Variants in SEC61A1 observed in about 807,000 individuals in gnomAD.
SEC61A1 encodes the protein protein transport protein Sec61 subunit alpha isoform 1.
A neutral mutation model predicts 55.2 loss-of-function variants in SEC61A1; 15 were observed. The observed-to-expected ratio is 0.27, with a 90% confidence interval of 0.18 to 0.42. The LOEUF (loss-of-function observed/expected upper bound fraction) is 0.42. SEC61A1 is among the 10% of genes least tolerant of loss of function. SEC61A1 has a pLI of 1.00. For missense variants in SEC61A1, 284 were observed against 602.6 expected (o/e 0.47, Z 5.53); for synonymous variants, 247 against 234.0 (o/e 1.06, Z -0.51).
At chr3:128,066,291 C>T (rs189640056) in intron 8 of SEC61A1, among the ~76,000 whole-genome samples, 1 of 152,202 alleles carries the variant, frequency 6.6e-6, no homozygotes, top group Admixed American at 6.5e-5. Context: ...TAGAGAGAAG[C>T]GCCCTTGGGA....
intron 7 of SEC61A1, chr3:128,064,660 C>A (rs926219240): frequency 1.8e-6 from 1 of 541,622 alleles, no homozygotes; most frequent in Non-Finnish European, 3.2e-6. Flanking sequence ...TAAAAAAAAT[C>A]AAAAACAAAC....
intron 7 of SEC61A1, among the ~76,000 whole-genome samples, chr3:128,064,458 TAGTG>T (rs1461986766): frequency 7.0e-6 from 1 of 143,504 alleles, no homozygotes; most frequent in East Asian, 1.9e-4. Context: ...CTGGGTAACA[TAGTG>T]AGACCCCCAA....
rs1941837398 is a variant in SEC61A1 at position 128,060,642 on chromosome 3, T to C, written c.597T>C (p.Thr199=). 1.9e-6 allele frequency: 3 copies of C among 1,614,182 alleles called. No individual in the cohort carries two copies. The highest frequency in any genetic ancestry group is 2.5e-6 in the Non-Finnish European group (3 of 1,180,036). ...ETIVWKAFSP[T]TVNTGRGMEF... Reference sequence around the variant, plus strand: ...TCGTATGGAAGGCATTCAGCCCCACTACTGTCAACACTGGCCGAGGTAAGG... The same window carrying C: ...TCGTATGGAAGGCATTCAGCCCCACCACTGTCAACACTGGCCGAGGTAAGG... Residue 199 remains threonine, a synonymous_variant, in exon 7 of 12, where the codon ACT becomes ACC. Coordinates refer to ENST00000243253, the MANE Select transcript of SEC61A1 (RefSeq NM_013336.4).
chr3:128,064,761 CCAT>C, intron 7 of SEC61A1, 113 bp from the exon 8 acceptor site: 4 of 811,918 alleles, frequency 4.9e-6, no homozygotes, highest in Non-Finnish European at 7.8e-6. Flanking sequence ...GCTATGGGCA[CCAT>C]GAGTCTAATA....
At chr3:128,068,329 G>GT (rs1401792931) in intron 11 of SEC61A1, among the ~76,000 whole-genome samples, 2 of 152,258 alleles carry the variant, frequency 1.3e-5, no homozygotes. Context: ...AGACAGTGCA[G>GT]TAAGGGTCCT....
chr3:128,052,465 A>G lies in SEC61A1; in HGVS notation c.-88A>G, dbSNP rs1941699829. 2.6e-6 allele frequency: 4 copies of G among 1,528,906 alleles called. No individual in the cohort carries two copies. Among genetic ancestry groups the G allele is most frequent in the African/African-American group, 2.8e-5 (2 of 71,730 alleles). The allele number at this position is 1,528,906 out of a possible 1,614,324, so 94.7% of individuals were successfully genotyped here. On this transcript the variant is annotated 5_prime_UTR_variant, in exon 1 of 12. Coordinates refer to ENST00000243253, the MANE Select transcript of SEC61A1 (RefSeq NM_013336.4). ...GTGTCTCTCGGCGGAGCTGCTGTGC[A>G]GTGGAACGCGCTGGGCCGCGGGCAG...
At chr3:128,063,659 T>C (rs1941886153) in intron 7 of SEC61A1, among the ~76,000 whole-genome samples, 1 of 152,158 alleles carries the variant, frequency 6.6e-6, no homozygotes, top group African/African-American at 2.4e-5. Context: ...TTAAAAGTGC[T>C]CCTCAGAGTA....
intron 5 of SEC61A1, among the ~76,000 whole-genome samples, chr3:128,057,871 G>A (rs1269108027): frequency 1.3e-5 from 2 of 151,088 alleles, no homozygotes; most frequent in Non-Finnish European, 1.5e-5. Context: ...AAAAAAAAAA[G>A]AATTTAACTG....
chr3:128,057,938 G>A (rs1351790641), intron 5 of SEC61A1, among the ~76,000 whole-genome samples: 1 of 152,078 alleles, frequency 6.6e-6, no homozygotes, highest in East Asian at 1.9e-4. Context: ...GTGATCTGGG[G>A]AAAAGTTAGA....
intron 8 of SEC61A1, 154 bp downstream of exon 8, chr3:128,065,191 T>A: frequency 1.2e-6 from 1 of 851,564 alleles, no homozygotes; most frequent in Non-Finnish European, 2.0e-6. Flanking sequence ...CCAGATGAGC[T>A]GGACAAGCAT....
rs1233048203 is a variant in SEC61A1, at chr3:128,056,937, AT to A, written c.352+114del. The stretch of plus-strand genomic sequence containing the variant: ...GTTTTTCTTTTTTTATTTATTTTTT[AT>A]TTTTTTTTTTTTTTTTGAGATGGAG... On this transcript the variant is annotated intron_variant, in intron 5 of 11. Transcript: ENST00000243253. The A allele has an allele frequency of 0.012, 10,367 of 845,484 alleles. 24 individuals are homozygous for A. The highest frequency in any genetic ancestry group is 0.021 in the African/African-American group (1,216 of 56,618). The allele number at this position is 845,484 out of a possible 1,614,324, so 52.4% of individuals were successfully genotyped here.
upstream of SEC61A1, chr3:128,051,833 C>A: frequency 1.3e-6 from 2 of 1,535,702 alleles, no homozygotes; most frequent in South Asian, 1.2e-5. Context: ...TCATCCCATT[C>A]GTTCTCAGAT....
At position 128,069,789 on chromosome 3, in the gene SEC61A1, T is replaced by G; in HGVS notation, c.*127T>G. The G allele has an allele frequency of 2.3e-6, 2 of 865,396 alleles. No individual in the cohort carries two copies. 53.6% of individuals were successfully genotyped at this position (865,396 alleles called of 1,614,324 possible). A position where few individuals can be genotyped will look rare whatever the true frequency, so the allele number is the denominator to read the frequency against. ...GTTTTTGAATTTCGTATTCTTTCAT[T>G]CCACTGTGTAAAGTGCTAGACATTT... On this transcript the variant is annotated 3_prime_UTR_variant, in exon 12 of 12. Coordinates refer to ENST00000243253, the MANE Select transcript of SEC61A1 (RefSeq NM_013336.4).
At chr3:128,057,594 C>T (rs1000384694) in intron 5 of SEC61A1, among the ~76,000 whole-genome samples, 50 of 268 alleles carry the variant, frequency 0.19, no homozygotes, top group Non-Finnish European at 0.25. Flanking sequence ...CGGTGGCTCA[C>T]GCCTGTAACC....
intron 11 of SEC61A1, 139 bp from the exon 12 acceptor site, chr3:128,069,337 T>C (rs1942083294): frequency 5.1e-6 from 4 of 788,834 alleles, no homozygotes; most frequent in South Asian, 1.7e-5. Flanking sequence ...AGCGCTAGCA[T>C]GTTAGTAGAT....
rs1941713589 is a variant in SEC61A1, at chr3:128,053,033, G to GTGC, written c.75+133_75+135dup. On this transcript the variant is annotated intron_variant, in intron 2 of 11. Coordinates refer to ENST00000243253, the MANE Select transcript of SEC61A1 (RefSeq NM_013336.4). The stretch of plus-strand genomic sequence containing the variant: ...CCTTCTCTTCCCTTGGAGTGTAGTT[G>GTGC]TGCTCTGTTATTCCGGAGAGCTGTC... 34 of 657,610 alleles carry GTGC rather than the reference G, an allele frequency of 5.2e-5. No individual in the cohort carries two copies. The South Asian group carries it at 6.7e-4, about 13-fold the overall frequency. 40.7% of individuals were successfully genotyped at this position (657,610 alleles called of 1,614,324 possible).
chr3:128,058,288 A>C (rs560026393), intron 5 of SEC61A1, among the ~76,000 whole-genome samples: 1 of 137,068 alleles, frequency 7.3e-6, no homozygotes, highest in East Asian at 2.3e-4. Flanking sequence ...GGTTCACTGC[A>C]AGCTCCGCTT....
At chr3:128,061,147 ACCTGCGTTCAAATCCTGGCTGTT>A (rs1221906491) in intron 7 of SEC61A1, among the ~76,000 whole-genome samples, 1 of 152,234 alleles carries the variant, frequency 6.6e-6, no homozygotes, top group Non-Finnish European at 1.5e-5. Context: ...GGAGCTTAGC[ACCTGCGTTCAAATCCTGGCTGTT>A]CCTGTTAGTC....
At chr3:128,054,347 C>A (rs183174424) in intron 2 of SEC61A1, among the ~76,000 whole-genome samples, 2 of 152,312 alleles carry the variant, frequency 1.3e-5, no homozygotes, top group East Asian at 3.9e-4. Flanking sequence ...CATCAAGATT[C>A]ATTTCAGACA....
Sources: gnomAD v4.1 joint callset for allele counts (sites outside exome capture counted in the v4.1 genomes callset) on GRCh38, gnomAD v4.1.1 for gene constraint, MANE v1.5 for transcripts, NCBI Gene and HGNC (gene_info 2026-07-23, HGNC 2026-07-21) for gene names.